Variants in HIP1R observed in about 807,000 individuals in gnomAD.
HIP1R encodes the protein huntingtin interacting protein 1 related.
A neutral mutation model predicts 144.2 loss-of-function variants in HIP1R; 135 were observed. That is an observed-to-expected ratio of 0.94 (90% confidence interval 0.81 to 1.08). HIP1R has a LOEUF of 1.08. Among genes scored for constraint, HIP1R ranks in the 50% least tolerant of loss-of-function variants. The probability of loss-of-function intolerance (pLI) is 0.00; values close to 1 mark genes in which losing one functional copy is unlikely to be tolerated. For synonymous variants in HIP1R, 698 were observed against 612.8 expected (o/e 1.14, Z -2.05); for missense variants, 1,462 against 1,432.8 (o/e 1.02, Z -0.33).
At chr12:122,851,340 A>G in intron 7 of HIP1R, 43 bp downstream of exon 7, 2 of 1,442,938 alleles carry the variant, frequency 1.4e-6, no homozygotes, top group South Asian at 1.4e-5. Flanking sequence ...GTGTATTGCT[A>G]AGTCCCCAGA....
In HIP1R at chr12:122,860,163, GT is replaced by G; in HGVS notation, c.2513del (p.Val838GlyfsTer86). ...TDLMKAIRLL[V>X]TTSTSLQKEI... ...GTCTCGGCAGGCTATCCGGCTCCTG[GT>G]GACGACATCCACTAGCCTGCAGAAG... On this transcript the variant is annotated frameshift_variant, in exon 26 of 32. Transcript: ENST00000253083. LOFTEE classifies it high-confidence loss of function. The G allele has an allele frequency of 6.3e-7, 1 of 1,575,434 alleles. No homozygotes were observed. Among genetic ancestry groups the G allele is most frequent in the Non-Finnish European group, 8.6e-7 (1 of 1,162,518 alleles).
At position 122,840,122 on chromosome 12, in the gene HIP1R, C is replaced by T. The variant is rs1326651870; in HGVS notation, c.93+4479C>T. On this transcript the variant is annotated intron_variant, in intron 1 of 31. Transcript: ENST00000253083. The surrounding 1 kb of genome is among the most constrained non-coding windows in gnomAD (Gnocchi z 4.2). ...TGCCCTCGTGGTGATGCCCGGCAGG[C>T]CGCTGACTTCCCGACCCCTGGGCTG... Among the ~76,000 whole-genome samples the T allele has an allele frequency of 6.6e-6, 1 of 152,244 alleles. No individual in the cohort carries two copies. The highest frequency in any genetic ancestry group is 2.4e-5 in the African/African-American group (1 of 41,462).
At chr12:122,839,868 A>G (rs905537057) in intron 1 of HIP1R, among the ~76,000 whole-genome samples, 10 of 152,216 alleles carry the variant, frequency 6.6e-5, no homozygotes, top group Non-Finnish European at 1.2e-4. Context: ...GTCTGGACTC[A>G]CCACCTTTCC....
Position 122,860,168 on chromosome 12 carries a change from G to C in HIP1R, c.2517G>C (p.Thr839=). The change falls in exon 26 of 32, where the codon ACG becomes ACC. Residue 839 remains threonine (T), a synonymous_variant. Coordinates refer to ENST00000253083, the MANE Select transcript of HIP1R (RefSeq NM_003959.3). ...GGCAGGCTATCCGGCTCCTGGTGAC[G>C]ACATCCACTAGCCTGCAGAAGGAGA... ...DLMKAIRLLV[T]TSTSLQKEIV... 6.4e-7 allele frequency: 1 copy of C among 1,573,252 alleles called. No individual in the cohort carries two copies. Among genetic ancestry groups the C allele is most frequent in the Non-Finnish European group, 8.6e-7 (1 of 1,161,406 alleles).
In HIP1R at chr12:122,848,549, A is replaced by C. The variant is rs2033277975; in HGVS notation, c.241A>C (p.Ile81Leu). 6.2e-7 allele frequency: 1 copy of C among 1,613,268 alleles called. No individual in the cohort carries two copies. Among genetic ancestry groups the C allele is most frequent in the Non-Finnish European group, 8.5e-7 (1 of 1,179,986 alleles). The change falls in exon 3 of 32, where the codon ATT becomes CTT. Residue 81 changes from isoleucine to leucine, a missense_variant. This residue lies in a region of HIP1R where 350 missense variants were observed against 421.1 expected (regional missense o/e 0.83). Transcript: ENST00000253083. ...AIGLPLPSSS[I>L]LSWKFCHVLH... ...TGGGCTGCCGCTGCCCAGCAGCTCCATTCTCAGCTGGAAGTTCTGCCACGT... is the reference window on the plus strand; with the variant it reads ...TGGGCTGCCGCTGCCCAGCAGCTCCCTTCTCAGCTGGAAGTTCTGCCACGT...
Position 122,859,301 on chromosome 12 carries a change from C to T in HIP1R, c.2295+104C>T, listed in dbSNP as rs984136176. On this transcript the variant is annotated intron_variant, in intron 22 of 31. Transcript: ENST00000253083. ...AGGTGTTTGTGCGTGGAGCCTGCAG[C>T]CTCAGGACACAGGGTGGGGACCATG... is the stretch of plus-strand genomic sequence containing the variant. The T allele has an allele frequency of 5.4e-6, 8 of 1,475,476 alleles. No individual in the cohort carries two copies. The African/African-American group carries it at 6.9e-5, about 13-fold the overall frequency. The allele number at this position is 1,475,476 out of a possible 1,614,324, so 91.4% of individuals were successfully genotyped here.
rs1315838468 is a variant in HIP1R, at chr12:122,855,994, C to T, written c.1143C>T (p.Ile381=). 14 of 1,590,180 alleles carry T rather than the reference C, an allele frequency of 8.8e-6. No homozygotes were observed. The highest frequency in any genetic ancestry group is 2.3e-5 in the South Asian group (2 of 87,432). ...TCCTCCCGCAGGCCCAGCGGTACAT[C>T]GCGCAGCTGAAGAGCCAGGTGAATG... is the stretch of plus-strand genomic sequence containing the variant. ...EKIKLEAQRY[I]AQLKSQVNAL... is the part of the protein sequence containing the mutation. The change falls in exon 14 of 32, where the codon ATC becomes ATT. Residue 381 remains isoleucine, a synonymous_variant. Transcript: ENST00000253083.
chr12:122,838,857 C>G (rs1054870169), intron 1 of HIP1R, among the ~76,000 whole-genome samples: 3 of 152,134 alleles, frequency 2.0e-5, no homozygotes, highest in African/African-American at 7.2e-5. Context: ...GAGCCACTAG[C>G]CAAGGAGTAT....
intron 7 of HIP1R, 49 bp downstream of exon 7, chr12:122,851,346 C>T (rs765944539): frequency 1.4e-6 from 2 of 1,423,660 alleles, no homozygotes; most frequent in Admixed American, 2.8e-5. Flanking sequence ...TGCTAAGTCC[C>T]CAGAGATGGG....
At chr12:122,845,130 G>A (rs1184853016) in intron 1 of HIP1R, among the ~76,000 whole-genome samples, 3 of 152,240 alleles carry the variant, frequency 2.0e-5, no homozygotes, top group Non-Finnish European at 1.5e-5. Flanking sequence ...TCTCACCACA[G>A]AGTGAGCCCG....
At chr12:122,837,955 A>T (rs544579399) in intron 1 of HIP1R, among the ~76,000 whole-genome samples, 4 of 152,362 alleles carry the variant, frequency 2.6e-5, no homozygotes, top group Non-Finnish European at 5.9e-5. Context: ...TAGCACATGC[A>T]GTCCAGGGAC....
At chr12:122,835,421 G>C, upstream of HIP1R, 2 of 1,135,808 alleles carry the variant, frequency 1.8e-6, 1 homozygote. Flanking sequence ...GCGGGGCGAG[G>C]CGGGCTCCTC....
In HIP1R at chr12:122,856,088, C is replaced by T. The variant is rs774309671; in HGVS notation, c.1237C>T (p.Arg413Cys). Reference sequence around the variant, plus strand: ...GGCCCTGGTGGATAATGAGCAGCTCCGCCACGAGCTGGCCCAGCTGAGGGC... The same window carrying T: ...GGCCCTGGTGGATAATGAGCAGCTCTGCCACGAGCTGGCCCAGCTGAGGGC... ...QKALVDNEQLRHELAQLRAAQ... is the reference protein window; with the variant it reads ...QKALVDNEQLCHELAQLRAAQ... Residue 413 changes from arginine to cysteine, a missense_variant, in exon 14 of 32, where the codon CGC (arginine) becomes TGC (cysteine). Coordinates refer to ENST00000253083, the MANE Select transcript of HIP1R (RefSeq NM_003959.3). 1.6e-5 allele frequency: 26 copies of T among 1,585,328 alleles called. No individual in the cohort carries two copies. The highest frequency in any genetic ancestry group is 4.0e-5 in the African/African-American group (3 of 74,442).
intron 1 of HIP1R, among the ~76,000 whole-genome samples, chr12:122,838,412 C>T (rs773406219): frequency 6.6e-6 from 1 of 151,962 alleles, no homozygotes; most frequent in Non-Finnish European, 1.5e-5. Flanking sequence ...CAAAATACAG[C>T]ATGCCTGTAT....
In HIP1R at chr12:122,861,322, GCT is replaced by G; in HGVS notation, c.2968_2969del (p.Leu990GlyfsTer7). The G allele has an allele frequency of 6.2e-7, 1 of 1,613,622 alleles. No individual in the cohort carries two copies. The highest frequency in any genetic ancestry group is 2.2e-5 in the East Asian group (1 of 44,860). ...EMETQVRVLE[L>X]EKTLEAERMR... ...TGTGGCTACAGGTGCGTGTCCTGGA[GCT>G]GGAGAAGACGCTGGAGGCTGAACGC... is the stretch of plus-strand genomic sequence containing the variant. On this transcript the variant is annotated frameshift_variant, in exon 31 of 32. Coordinates refer to ENST00000253083, the MANE Select transcript of HIP1R (RefSeq NM_003959.3). LOFTEE classifies it high-confidence loss of function.
chr12:122,852,927 AAAGGC>A (rs2033442554), intron 7 of HIP1R, among the ~76,000 whole-genome samples: 1 of 152,180 alleles, frequency 6.6e-6, no homozygotes, highest in Non-Finnish European at 1.5e-5. Flanking sequence ...ACTTTTTTAA[AAAGGC>A]AAGGGGCGGC....
intron 1 of HIP1R, among the ~76,000 whole-genome samples, chr12:122,844,673 T>C (rs771872071): frequency 7.9e-5 from 12 of 152,244 alleles, no homozygotes; most frequent in Non-Finnish European, 1.6e-4. Flanking sequence ...CTGTGGGTGC[T>C]GAGTAGCGGA....
chr12:122,834,994 C>G, upstream of HIP1R: 1 of 1,288,476 alleles, frequency 7.8e-7, no homozygotes, highest in Non-Finnish European at 1.0e-6. Flanking sequence ...TGCCCTGGTG[C>G]AGACAAGACT....
intron 21 of HIP1R, 21 bp downstream of exon 21, chr12:122,858,966 C>T (rs780832276): frequency 3.1e-6 from 5 of 1,611,516 alleles, no homozygotes; most frequent in Non-Finnish European, 3.4e-6. Context: ...CCTGGGATGG[C>T]AGGTTCTGTC....
Sources: allele counts gnomAD v4.1 joint callset (sites outside exome capture counted in the v4.1 genomes callset), GRCh38; gene constraint gnomAD v4.1.1; regional missense constraint gnomAD v4.1.1; non-coding constraint Gnocchi (gnomAD v3.1); transcripts MANE v1.5; gene names NCBI Gene and HGNC (gene_info 2026-07-23, HGNC 2026-07-21).